The following TMEM132D variants were observed in gnomAD, a reference collection of about 807,000 sequenced individuals.
TMEM132D encodes mature OL transmembrane protein.
A neutral mutation model predicts 62.3 loss-of-function variants in TMEM132D; 21 were observed. The observed-to-expected ratio is 0.34, with a 90% CI of 0.24 to 0.49. The LOEUF (loss-of-function observed/expected upper bound fraction) is 0.49, where lower values mean the gene tolerates loss of function less well. Ranked by LOEUF, TMEM132D falls within the 20% of genes least tolerant of loss-of-function variation. TMEM132D has a pLI of 0.99. For missense variants in TMEM132D, 1,346 were observed against 1,402.8 expected (o/e 0.96, Z 0.65); for synonymous variants, 621 against 575.6 (o/e 1.08, Z -1.13).
At chr12:129,532,393 G>A (rs1414966953) in intron 2 of TMEM132D, among the ~76,000 whole-genome samples, 3 of 152,240 alleles carry the variant, frequency 2.0e-5, no homozygotes, top group Non-Finnish European at 4.4e-5. Flanking sequence ...AGAGGAGAAA[G>A]TGAGACCATC....
chr12:129,372,401 C>T (rs1356502201), intron 3 of TMEM132D, among the ~76,000 whole-genome samples: 1 of 152,168 alleles, frequency 6.6e-6, no homozygotes, highest in Admixed American at 6.5e-5. Context: ...TACAGCTGCT[C>T]CTCATCGTTG....
intron 1 of TMEM132D, among the ~76,000 whole-genome samples, chr12:129,731,781 G>A (rs1028006415): frequency 3.9e-5 from 6 of 152,002 alleles, no homozygotes; most frequent in Non-Finnish European, 8.8e-5. Context: ...TCCTGCCTCA[G>A]CCTACTAAGT....
chr12:129,209,580 G>A lies in TMEM132D; in HGVS notation c.1383C>T (p.Gly461=), dbSNP rs1179066760. The A allele has an allele frequency of 3.1e-6, 5 of 1,614,192 alleles. No homozygotes were observed. In the Admixed American group the frequency reaches 8.3e-5, roughly 27 times the overall value. Residue 461 remains glycine, a synonymous_variant, in exon 5 of 9, where the codon GGC becomes GGT. Transcript: ENST00000422113. ...CAGACTCCAGCAGCTCTGTCACTGT[G>A]CCGTCGTCCTCCACGGAGACCACTT... is the stretch of plus-strand genomic sequence containing the variant. The part of the protein sequence containing the change: ...PVKVVSVEDD[G]TVTELLESVE...
chr12:129,134,188 CTGTG>C (rs1052586489), intron 5 of TMEM132D, among the ~76,000 whole-genome samples: 2 of 144,654 alleles, frequency 1.4e-5, no homozygotes, highest in Non-Finnish European at 1.5e-5. Flanking sequence ...GTCTGTGTGT[CTGTG>C]TGTGTGTCTG....
intron 5 of TMEM132D, among the ~76,000 whole-genome samples, chr12:129,105,788 G>A (rs1478237353): frequency 6.6e-6 from 1 of 151,406 alleles, no homozygotes; most frequent in Non-Finnish European, 1.5e-5. Context: ...AGAGGATGTG[G>A]AGAAATAGGA....
intron 3 of TMEM132D, among the ~76,000 whole-genome samples, chr12:129,456,484 T>C (rs1873471212): frequency 6.6e-6 from 1 of 152,150 alleles, no homozygotes; most frequent in African/African-American, 2.4e-5. Context: ...TTCTTACCGC[T>C]GACTTCCCAG....
intron 2 of TMEM132D, among the ~76,000 whole-genome samples, chr12:129,649,893 TTTGTG>T (rs1879883752): frequency 2.0e-5 from 3 of 149,984 alleles, no homozygotes; most frequent in Admixed American, 6.6e-5. Context: ...TATATGTGTG[TTTGTG>T]TGTGTGTCTA....
chr12:129,278,435 A>G (rs1881055036), intron 4 of TMEM132D, among the ~76,000 whole-genome samples: 1 of 152,216 alleles, frequency 6.6e-6, no homozygotes, highest in South Asian at 2.1e-4. Context: ...CGACTGGTTC[A>G]GAAAGAAGCC....
intron 5 of TMEM132D, among the ~76,000 whole-genome samples, chr12:129,086,201 C>CGCGCGCGCGT (rs1349816832): frequency 5.5e-4 from 77 of 141,128 alleles, no homozygotes; most frequent in African/African-American, 2.0e-3. Flanking sequence ...CACGCGCGCG[C>CGCGCGCGCGT]GTGTGTGTGT....
At chr12:129,423,026 C>T (rs1593373764) in intron 3 of TMEM132D, among the ~76,000 whole-genome samples, 1 of 151,710 alleles carries the variant, frequency 6.6e-6, no homozygotes, top group East Asian at 1.9e-4. Context: ...TCTTCACTGC[C>T]TCATCAGAGA....
rs117589149 is a variant in TMEM132D, at chr12:129,314,264, C to G, written c.1299+23370G>C. Reference sequence around the variant, plus strand: ...GTAGTTTCAGGTCTTAGGTTTAAGTCCTTAATCCATCCTGAGTTGACTTTT... The same window carrying G: ...GTAGTTTCAGGTCTTAGGTTTAAGTGCTTAATCCATCCTGAGTTGACTTTT... On this transcript the variant is annotated intron_variant, in intron 4 of 8. Transcript: ENST00000422113. Among the ~76,000 whole-genome samples the G allele has an allele frequency of 5.0e-3, 766 of 152,270 alleles. 28 individuals carry two copies. The highest frequency in any genetic ancestry group is 0.034 in the Admixed American group (520 of 15,304).
chr12:129,443,633 ATC>A (rs149203515), intron 3 of TMEM132D, among the ~76,000 whole-genome samples: 388 of 150,706 alleles, frequency 2.6e-3, no homozygotes, highest in African/African-American at 9.1e-3. Context: ...CCCCTCACTC[ATC>A]TCTCTCCCAA....
intron 2 of TMEM132D, among the ~76,000 whole-genome samples, chr12:129,559,780 T>C (rs1471180680): frequency 2.0e-5 from 3 of 152,236 alleles, no homozygotes; most frequent in Admixed American, 2.0e-4. Flanking sequence ...CCTGCCTTAA[T>C]ATACTTCAAT....
intron 5 of TMEM132D, chr12:129,111,442 T>C (rs1029614834): frequency 6.6e-6 from 1 of 152,248 alleles, no homozygotes; most frequent in African/African-American, 2.4e-5. Context: ...ATGGAACAGC[T>C]GCTAAGTGAG....
At chr12:129,717,067 C>T (rs903807205) in intron 1 of TMEM132D, among the ~76,000 whole-genome samples, 6 of 152,102 alleles carry the variant, frequency 3.9e-5, no homozygotes, top group Non-Finnish European at 5.9e-5. Flanking sequence ...AGTCTCATGG[C>T]GACCAGCACA....
At chr12:129,584,231 C>G (rs1360777291) in intron 2 of TMEM132D, among the ~76,000 whole-genome samples, 1 of 152,178 alleles carries the variant, frequency 6.6e-6, no homozygotes, top group Non-Finnish European at 1.5e-5. Context: ...CTCTTCCACC[C>G]AGTATCTCCC....
intron 3 of TMEM132D, among the ~76,000 whole-genome samples, chr12:129,530,631 AT>A (rs1876189889): frequency 6.6e-6 from 1 of 152,244 alleles, no homozygotes; most frequent in African/African-American, 2.4e-5. Flanking sequence ...TATGCATTGT[AT>A]TTAAATATAC....
rs375584221 is a variant in TMEM132D at position 129,657,179 on chromosome 12, T to G, written c.968+42631A>C. On this transcript the variant is annotated intron_variant, in intron 2 of 8. Coordinates refer to ENST00000422113, the MANE Select transcript of TMEM132D (RefSeq NM_133448.3). ...CATGACAAAGAGAATTCTCCTGAGATGCATGTGTTCACCAGCCCTCCAGTA... is the reference window on the plus strand; with the variant it reads ...CATGACAAAGAGAATTCTCCTGAGAGGCATGTGTTCACCAGCCCTCCAGTA... Among the ~76,000 whole-genome samples, 4 of 152,232 alleles carry G rather than the reference T, an allele frequency of 2.6e-5. No individual in the cohort carries two copies. In the South Asian group the frequency reaches 6.2e-4, roughly 24 times the overall value.
intron 3 of TMEM132D, among the ~76,000 whole-genome samples, chr12:129,405,837 T>C (rs1871768302): frequency 1.3e-5 from 2 of 152,282 alleles, no homozygotes; most frequent in South Asian, 4.1e-4. Context: ...TCCTTGAATC[T>C]TAAAAAAACT....
Sources: gnomAD v4.1 joint callset for allele counts (sites outside exome capture counted in the v4.1 genomes callset) on GRCh38, gnomAD v4.1.1 for gene constraint, MANE v1.5 for transcripts, NCBI Gene and HGNC (gene_info 2026-07-23, HGNC 2026-07-21) for gene names.